The following SIL1 variants were observed in gnomAD, a reference collection of about 807,000 sequenced individuals.
SIL1 encodes nucleotide exchange factor SIL1.
A neutral mutation model predicts 49.1 loss-of-function variants in SIL1; 40 were observed. The observed-to-expected ratio is 0.81, with a 90% CI of 0.63 to 1.06. The LOEUF is 1.06. SIL1 is among the 50% of genes least tolerant of loss of function. The probability of loss-of-function intolerance (pLI) is 0.00; values close to 1 mark genes in which losing one functional copy is unlikely to be tolerated. For synonymous variants in SIL1, 253 were observed against 250.8 expected, an observed-to-expected ratio of 1.01 and a Z score of -0.08; for missense variants, 500 against 572.6, an observed-to-expected ratio of 0.87 and a Z score of 1.29.
chr5:139,062,025 T>C (rs1769600336), intron 3 of SIL1, among the ~76,000 whole-genome samples: 1 of 152,192 alleles, frequency 6.6e-6, no homozygotes, highest in African/African-American at 2.4e-5. Context: ...ACAGGCCCAG[T>C]TGCCATGACT....
chr5:138,982,950 ACTTTGGGAGGCTGAGGCAGGCAGATCAC>A (rs1310304624), intron 7 of SIL1, among the ~76,000 whole-genome samples: 1 of 152,022 alleles, frequency 6.6e-6, no homozygotes, highest in Non-Finnish European at 1.5e-5. Flanking sequence ...TAATCCCAGC[ACTTTGGGAGGCTGAGGCAGGCAGATCAC>A]CTAAGGTTAG....
At chr5:139,051,785 G>C (rs1183305145) in intron 3 of SIL1, among the ~76,000 whole-genome samples, 1 of 152,336 alleles carries the variant, frequency 6.6e-6, no homozygotes. Flanking sequence ...GGAAAAACAA[G>C]TGTTGTGAAT....
intron 4 of SIL1, among the ~76,000 whole-genome samples, chr5:139,045,825 A>G (rs2150448843): frequency 6.6e-6 from 1 of 152,150 alleles, no homozygotes; most frequent in African/African-American, 2.4e-5. Context: ...CCTTCCTTCA[A>G]CCTCTACACT....
At chr5:139,130,293 T>C (rs992700870) in intron 1 of SIL1, among the ~76,000 whole-genome samples, 1 of 151,056 alleles carries the variant, frequency 6.6e-6, no homozygotes, top group Non-Finnish European at 1.5e-5. Flanking sequence ...CTAAAAAAAA[T>C]AAAAAAAATT....
chr5:139,057,126 CGTT>C (rs1226643106), intron 3 of SIL1, among the ~76,000 whole-genome samples: 1 of 151,072 alleles, frequency 6.6e-6, no homozygotes, highest in Non-Finnish European at 1.5e-5. Flanking sequence ...GCAGCATGCT[CGTT>C]AAGAGTCATC....
chr5:139,063,152 G>A (rs1290176341), intron 3 of SIL1, among the ~76,000 whole-genome samples: 1 of 152,216 alleles, frequency 6.6e-6, no homozygotes, highest in Non-Finnish European at 1.5e-5. Flanking sequence ...CCAGAGGAAT[G>A]GGTAGGAAAT....
At chr5:139,013,150 T>C (rs1464547613) in intron 7 of SIL1, among the ~76,000 whole-genome samples, 2 of 152,220 alleles carry the variant, frequency 1.3e-5, no homozygotes, top group African/African-American at 2.4e-5. Context: ...ATTATATCAT[T>C]GAACCTATCA....
intron 1 of SIL1, among the ~76,000 whole-genome samples, chr5:139,136,094 A>G (rs1730219290): frequency 6.6e-6 from 1 of 152,024 alleles, no homozygotes; most frequent in African/African-American, 2.4e-5. Context: ...AAATCACATG[A>G]CAAGCAGAGT....
At chr5:139,143,253 A>G (rs1477240172) in intron 1 of SIL1, among the ~76,000 whole-genome samples, 1 of 88,376 alleles carries the variant, frequency 1.1e-5, no homozygotes, top group Non-Finnish European at 2.0e-5. Flanking sequence ...ATATATACAT[A>G]TATAAACACA....
At chr5:139,043,266 G>A (rs995419222) in intron 4 of SIL1, among the ~76,000 whole-genome samples, 4 of 152,208 alleles carry the variant, frequency 2.6e-5, no homozygotes, top group Non-Finnish European at 4.4e-5. Flanking sequence ...CAGCTTCTCA[G>A]GAAGAAATAA....
intron 1 of SIL1, among the ~76,000 whole-genome samples, chr5:139,189,469 C>T (rs2151822829): frequency 6.6e-6 from 1 of 152,296 alleles, no homozygotes; most frequent in South Asian, 2.1e-4. Flanking sequence ...GGAAAACAAG[C>T]TCAGGGCTCC....
At chr5:139,132,228 GGAA>G (rs1162226540) in intron 1 of SIL1, among the ~76,000 whole-genome samples, 1 of 152,226 alleles carries the variant, frequency 6.6e-6, no homozygotes, top group Admixed American at 6.5e-5. Flanking sequence ...AAGGGACTGA[GGAA>G]GAAGAGGTCA....
intron 7 of SIL1, among the ~76,000 whole-genome samples, chr5:138,973,733 C>T (rs1041182910): frequency 6.6e-6 from 1 of 151,988 alleles, no homozygotes; most frequent in Non-Finnish European, 1.5e-5. Context: ...TGTGAGCCAC[C>T]GTGTCCAGCC....
At chr5:139,016,715 A>AAGTACTCTTGAAAAATTTCAGGGAT (rs554174426) in intron 7 of SIL1, among the ~76,000 whole-genome samples, 2 of 152,182 alleles carry the variant, frequency 1.3e-5, no homozygotes, top group Admixed American at 6.5e-5. Flanking sequence ...AATGATGACA[A>AAGTACTCTTGAAAAATTTCAGGGAT]AGTACTCTTG....
intron 1 of SIL1, among the ~76,000 whole-genome samples, chr5:139,171,909 G>T (rs1203410209): frequency 6.6e-6 from 1 of 151,924 alleles, no homozygotes; most frequent in African/African-American, 2.4e-5. Flanking sequence ...TAAAGATACA[G>T]ACATCTTAAA....
intron 4 of SIL1, among the ~76,000 whole-genome samples, chr5:139,044,115 T>C (rs918276991): frequency 6.6e-6 from 1 of 152,158 alleles, no homozygotes; most frequent in Non-Finnish European, 1.5e-5. Context: ...TAATAATAGC[T>C]AGTAACTCAT....
At chr5:139,004,945 G>C (rs1581022383) in intron 7 of SIL1, among the ~76,000 whole-genome samples, 1 of 152,150 alleles carries the variant, frequency 6.6e-6, no homozygotes, top group East Asian at 1.9e-4. Context: ...CTTACCAAGG[G>C]CTGGGGTAAA....
intron 3 of SIL1, among the ~76,000 whole-genome samples, chr5:139,054,028 C>T (rs189673524): frequency 7.9e-5 from 12 of 152,308 alleles, no homozygotes; most frequent in Non-Finnish European, 1.5e-4. Flanking sequence ...TGCCTATAGT[C>T]CCAGCACTTT....
intron 1 of SIL1, among the ~76,000 whole-genome samples, chr5:139,172,778 G>A (rs1047140078): frequency 6.6e-6 from 1 of 152,186 alleles, no homozygotes; most frequent in African/African-American, 2.4e-5. Flanking sequence ...CGCAATGGCT[G>A]CCAGCTGTTG....
Sources: allele counts gnomAD v4.1 joint callset (sites outside exome capture counted in the v4.1 genomes callset), GRCh38; gene constraint gnomAD v4.1.1; transcripts MANE v1.5; gene names NCBI Gene and HGNC (gene_info 2026-07-23, HGNC 2026-07-21).